LIN52: variants seen among roughly 807,000 people sequenced by gnomAD.
LIN52 encodes the protein protein lin-52 homolog.
A neutral mutation model predicts 18.5 loss-of-function variants in LIN52; 4 were observed. That is an observed-to-expected ratio of 0.22 (90% CI 0.11 to 0.49). LIN52 has a LOEUF of 0.49. Among genes scored for constraint, LIN52 ranks in the 20% least tolerant of loss-of-function variants. The pLI is 0.97. For synonymous variants in LIN52, 34 were observed against 45.5 expected (o/e 0.75, Z 1.02); for missense variants, 102 against 139.5 (o/e 0.73, Z 1.35).
chr14:74,191,364 C>T (rs2078875646), intron 5 of LIN52, among the ~76,000 whole-genome samples: 3 of 152,146 alleles, frequency 2.0e-5, no homozygotes, highest in Admixed American at 1.3e-4. Context: ...CATGTGACTG[C>T]CTTCACTCTT....
intron 1 of LIN52, 86 bp from the exon 2 acceptor site, chr14:74,091,146 T>A: frequency 2.2e-6 from 2 of 893,792 alleles, no homozygotes; most frequent in Non-Finnish European, 3.6e-6. Flanking sequence ...CAGGTGAGTG[T>A]TCCAGTTTAT....
chr14:74,185,024 G>C (rs931454595), intron 5 of LIN52, among the ~76,000 whole-genome samples: 1 of 151,588 alleles, frequency 6.6e-6, no homozygotes, highest in Non-Finnish European at 1.5e-5. Context: ...CTTGCTTTCA[G>C]GCATGTCAGG....
intron 5 of LIN52, among the ~76,000 whole-genome samples, chr14:74,147,797 G>A (rs1033325901): frequency 9.9e-5 from 15 of 152,232 alleles, no homozygotes; most frequent in Admixed American, 2.0e-4. Context: ...GAGACAGAAA[G>A]TAGAATGGGG....
chr14:74,097,847 C>T lies in LIN52; in HGVS notation c.186C>T (p.Ile62=), dbSNP rs771589997. The change falls in exon 4 of 6, where the codon ATC becomes ATT. Residue 62 remains isoleucine (I), a synonymous_variant. Coordinates refer to ENST00000555028, the MANE Select transcript of LIN52 (RefSeq NM_001024674.3). ...TGGCTGAGATAGAACGTGATGACAT[C>T]GACATGTTGAAAGGTAAGTGATGCT... is the stretch of plus-strand genomic sequence containing the variant. ...KWMAEIERDD[I]DMLKELGSLT... 5.0e-6 allele frequency: 8 copies of T among 1,612,222 alleles called. No individual in the cohort carries two copies. The highest frequency in any genetic ancestry group is 1.1e-5 in the South Asian group (1 of 91,058).
chr14:74,108,732 G>T (rs1341163854), intron 5 of LIN52, among the ~76,000 whole-genome samples: 1 of 151,826 alleles, frequency 6.6e-6, no homozygotes, highest in African/African-American at 2.4e-5. Context: ...AAATTGTATT[G>T]TTTGTGTTTT....
chr14:74,154,848 T>C (rs1019107769), intron 5 of LIN52, among the ~76,000 whole-genome samples: 1 of 152,286 alleles, frequency 6.6e-6, no homozygotes, highest in South Asian at 2.1e-4. Context: ...TCCGGCCTGG[T>C]GTTGGTTTTA....
chr14:74,135,311 C>T (rs1278157752), intron 5 of LIN52, among the ~76,000 whole-genome samples: 2 of 152,150 alleles, frequency 1.3e-5, no homozygotes, highest in African/African-American at 2.4e-5. Flanking sequence ...GTTCTGCCCG[C>T]GTTGGCCTCC....
At chr14:74,140,496 C>T (rs185698043) in intron 5 of LIN52, among the ~76,000 whole-genome samples, 1 of 152,310 alleles carries the variant, frequency 6.6e-6, no homozygotes, top group East Asian at 1.9e-4. Flanking sequence ...GTGTAACCTG[C>T]TGTAAGCAGG....
At chr14:74,137,082 C>T (rs2061101605) in intron 5 of LIN52, among the ~76,000 whole-genome samples, 1 of 151,426 alleles carries the variant, frequency 6.6e-6, no homozygotes. Context: ...TCTTCTTTTC[C>T]TCCAACAGTT....
intron 5 of LIN52, among the ~76,000 whole-genome samples, chr14:74,109,102 C>A (rs138507016): frequency 6.6e-6 from 1 of 152,112 alleles, no homozygotes; most frequent in African/African-American, 2.4e-5. Context: ...TAAATTAATT[C>A]TTTCGCATGT....
In LIN52 at chr14:74,200,757, A is replaced by G. The variant is rs2078943613; in HGVS notation, c.*1780A>G. 1 of 152,186 alleles carries G rather than the reference A, an allele frequency of 6.6e-6. No homozygotes were observed. The highest frequency in any genetic ancestry group is 2.1e-4 in the South Asian group (1 of 4,836). The allele number at this position is 152,186 out of a possible 1,614,324, so 9.4% of individuals were successfully genotyped here. ...TGTAGGGGCTTTGATTTTAATTTAA[A>G]CTTATTATCGATTGATATTTCTGTA... is the stretch of plus-strand genomic sequence containing the variant. On this transcript the variant is annotated 3_prime_UTR_variant, in exon 6 of 6. Transcript: ENST00000555028.
At chr14:74,166,880 T>C (rs1479633967) in intron 5 of LIN52, among the ~76,000 whole-genome samples, 1 of 152,242 alleles carries the variant, frequency 6.6e-6, no homozygotes, top group Non-Finnish European at 1.5e-5. Context: ...TTTACTTTTT[T>C]GACATGACAT....
intron 5 of LIN52, among the ~76,000 whole-genome samples, chr14:74,172,411 A>G (rs544337942): frequency 3.9e-5 from 6 of 152,234 alleles, no homozygotes; most frequent in Non-Finnish European, 8.8e-5. Context: ...ATAATAAATT[A>G]TATCTACTTA....
At chr14:74,113,445 A>G (rs1189917253) in intron 5 of LIN52, among the ~76,000 whole-genome samples, 1 of 152,162 alleles carries the variant, frequency 6.6e-6, no homozygotes, top group African/African-American at 2.4e-5. Flanking sequence ...AAAGATGGGT[A>G]GAAATGGAAA....
intron 1 of LIN52, among the ~76,000 whole-genome samples, chr14:74,087,085 A>G (rs2060737945): frequency 6.6e-6 from 1 of 152,056 alleles, no homozygotes; most frequent in Non-Finnish European, 1.5e-5. Context: ...TCATCTCTCA[A>G]TTTAGTTTCC....
chr14:74,102,620 G>C (rs1378469408), intron 5 of LIN52, among the ~76,000 whole-genome samples: 1 of 152,142 alleles, frequency 6.6e-6, no homozygotes, highest in Non-Finnish European at 1.5e-5. Context: ...TTTCATAGTC[G>C]ATTTTGTTCC....
intron 5 of LIN52, among the ~76,000 whole-genome samples, chr14:74,196,484 C>T (rs938899539): frequency 2.0e-5 from 3 of 152,034 alleles, no homozygotes; most frequent in Non-Finnish European, 4.4e-5. Flanking sequence ...TTGTATTGAC[C>T]GTGTCTGGTT....
chr14:74,096,939 A>T (rs145794036), intron 3 of LIN52, among the ~76,000 whole-genome samples: 1 of 152,322 alleles, frequency 6.6e-6, no homozygotes, highest in African/African-American at 2.4e-5. Flanking sequence ...GAGCTATTCT[A>T]AGAATGGGCT....
intron 2 of LIN52, among the ~76,000 whole-genome samples, chr14:74,093,832 T>C (rs1225750372): frequency 6.6e-6 from 1 of 152,126 alleles, no homozygotes; most frequent in East Asian, 1.9e-4. Flanking sequence ...CTGAGCGTGG[T>C]GGCACATGCC....
Sources: gnomAD v4.1 joint callset for allele counts (sites outside exome capture counted in the v4.1 genomes callset) on GRCh38, gnomAD v4.1.1 for gene constraint, MANE v1.5 for transcripts, NCBI Gene and HGNC (gene_info 2026-07-23, HGNC 2026-07-21) for gene names.